Variants in U2SURP observed in about 807,000 individuals in gnomAD.
The protein encoded by U2SURP is U2 snRNP-associated SURP motif-containing protein.
Under a neutral mutation model 144.9 loss-of-function variants are expected in U2SURP, and 9 were observed. The ratio of observed to expected loss-of-function variants is 0.06; its 90% CI spans 0.04 to 0.11. The LOEUF (loss-of-function observed/expected upper bound fraction) is 0.11. Among genes scored for constraint, U2SURP ranks in the 10% least tolerant of loss-of-function variants. U2SURP has a pLI of 1.00. For missense variants in U2SURP, 724 were observed against 1,226.7 expected (o/e 0.59, Z 6.12); for synonymous variants, 408 against 396.8 (o/e 1.03, Z -0.33).
At chr3:143,013,952 A>G (rs1203773933) in intron 3 of U2SURP, among the ~76,000 whole-genome samples, 1 of 151,976 alleles carries the variant, frequency 6.6e-6, no homozygotes, top group Admixed American at 6.6e-5. Context: ...TTATTTGAGG[A>G]TCTGTTTTCT....
intron 21 of U2SURP, among the ~76,000 whole-genome samples, chr3:143,037,895 C>G (rs1288316986): frequency 6.6e-6 from 1 of 152,052 alleles, no homozygotes; most frequent in East Asian, 1.9e-4. Flanking sequence ...TATTACTAAC[C>G]TGTATTTTCT....
At chr3:143,029,505 A>T (rs1461012461) in intron 16 of U2SURP, among the ~76,000 whole-genome samples, 2 of 152,228 alleles carry the variant, frequency 1.3e-5, no homozygotes, top group African/African-American at 2.4e-5. Context: ...TCATATAAGA[A>T]GATGAACTTA....
rs918792926 is a variant in U2SURP, at chr3:143,058,445, G to A, written c.*1995G>A. 1.3e-5 allele frequency: 2 copies of A among 151,766 alleles called. No individual in the cohort carries two copies. Among genetic ancestry groups the A allele is most frequent in the African/African-American group, 2.4e-5 (1 of 41,384 alleles). The allele number at this position is 151,766 out of a possible 1,614,324, so 9.4% of individuals were successfully genotyped here. ...TCTTTTTTTCTGGATCCAGATACAA[G>A]TGTCATGGTTTATCTTACAGTGGGT... On this transcript the variant is annotated 3_prime_UTR_variant, in exon 28 of 28. Coordinates refer to ENST00000473835, the MANE Select transcript of U2SURP (RefSeq NM_001080415.2).
chr3:143,010,769 G>C (rs764165665), intron 1 of U2SURP, 46 bp from the exon 2 acceptor site: 1 of 1,473,328 alleles, frequency 6.8e-7, no homozygotes, highest in Non-Finnish European at 9.4e-7. Flanking sequence ...TGTTTTGTTA[G>C]TATAAGACAT....
chr3:143,050,788 A>G, intron 24 of U2SURP, 151 bp from the exon 25 acceptor site: 1 of 526,302 alleles, frequency 1.9e-6, no homozygotes. Context: ...ATTTTTGCCT[A>G]GTTGGACTTG....
intron 1 of U2SURP, among the ~76,000 whole-genome samples, chr3:143,004,070 G>C (rs1022548552): frequency 6.6e-6 from 1 of 152,096 alleles, no homozygotes; most frequent in African/African-American, 2.4e-5. Context: ...ACAGTATTTA[G>C]AATTTCTAGC....
At chr3:143,047,208 C>T (rs369794068) in intron 24 of U2SURP, among the ~76,000 whole-genome samples, 11,413 of 26,844 alleles carry the variant, frequency 0.43, 4,242 homozygotes, top group African/African-American at 0.62. Context: ...ACGGGGCGGC[C>T]GGCCAGGCGG....
intron 24 of U2SURP, among the ~76,000 whole-genome samples, chr3:143,044,311 C>T (rs138030115): frequency 0.068 from 1,277 of 18,798 alleles, 24 homozygotes; most frequent in African/African-American, 0.28. Context: ...TTTTTTGAGA[C>T]GGGGTTTCTT....
intron 25 of U2SURP, among the ~76,000 whole-genome samples, chr3:143,051,954 TAGG>T (rs1303554325): frequency 6.6e-6 from 1 of 152,152 alleles, no homozygotes; most frequent in Non-Finnish European, 1.5e-5. Flanking sequence ...GCATCTCAAT[TAGG>T]AGATCATTTT....
intron 24 of U2SURP, among the ~76,000 whole-genome samples, chr3:143,045,148 A>G (rs907144224): frequency 6.6e-6 from 1 of 152,024 alleles, no homozygotes; most frequent in African/African-American, 2.4e-5. Flanking sequence ...AGGCGGGTGG[A>G]TCACGAGGTC....
At chr3:143,039,535 A>T (rs1933986190) in intron 23 of U2SURP, among the ~76,000 whole-genome samples, 1 of 151,462 alleles carries the variant, frequency 6.6e-6, no homozygotes, top group African/African-American at 2.4e-5. Flanking sequence ...TTCTCCTGCA[A>T]GTCTGTATTG....
In U2SURP at chr3:143,004,575, C is replaced by CT. The variant is rs1294401963; in HGVS notation, c.45+2902_45+2903insT. ...TCTGTTGGCCTCTTGACCTTGTGACCCCCCCCCCCCGCCTCGGCCTCCCAA... is the reference window on the plus strand; with the variant it reads ...TCTGTTGGCCTCTTGACCTTGTGACCTCCCCCCCCCCGCCTCGGCCTCCCAA... On this transcript the variant is annotated intron_variant, in intron 1 of 27. Coordinates refer to ENST00000473835, the MANE Select transcript of U2SURP (RefSeq NM_001080415.2). Among the ~76,000 whole-genome samples, 43 of 71,334 alleles carry CT rather than the reference C, an allele frequency of 6.0e-4. 3 individuals are homozygous for CT. The East Asian group carries it at 0.016, about 26-fold the overall frequency. 46.8% of individuals were successfully genotyped at this position (71,334 alleles called of 152,430 possible).
intron 6 of U2SURP, among the ~76,000 whole-genome samples, chr3:143,018,513 ATG>A (rs1220822241): frequency 6.6e-6 from 1 of 151,776 alleles, no homozygotes; most frequent in East Asian, 1.9e-4. Context: ...GTAAACATTC[ATG>A]TGTGGGCTTT....
intron 19 of U2SURP, among the ~76,000 whole-genome samples, 156 bp downstream of exon 19, chr3:143,035,131 T>G (rs1560194089): frequency 1.3e-5 from 2 of 152,206 alleles, no homozygotes; most frequent in African/African-American, 2.4e-5. Context: ...CGTTTTTGTT[T>G]TTATCAAATC....
Position 143,020,688 on chromosome 3 carries a change from G to A in U2SURP, c.728G>A (p.Arg243His), listed in dbSNP as rs1195959930. The A allele has an allele frequency of 1.2e-6, 2 of 1,611,004 alleles. No homozygotes were observed. The highest frequency in any genetic ancestry group is 1.7e-5 in the Admixed American group (1 of 59,802). ...PPQSDSDGQR[R>H]SMDAPSRRNR... ...CAGTCAGATTCTGATGGTCAGCGTC[G>A]TTCTAGTAAGTGGCATTTATTTTAA... The change falls in exon 8 of 28, where the codon CGT (arginine) becomes CAT (histidine). Residue 243 changes from arginine to histidine, a missense_variant. Physicochemically the swap from Arg to His is conservative, Grantham distance 29. Around this residue, in one of 13 missense-constraint regions of U2SURP, gnomAD observed 115 missense variants for 258.1 expected, o/e 0.45. Transcript: ENST00000473835.
At chr3:143,041,239 A>G (rs1445381885) in intron 23 of U2SURP, among the ~76,000 whole-genome samples, 1 of 151,934 alleles carries the variant, frequency 6.6e-6, no homozygotes, top group Non-Finnish European at 1.5e-5. Flanking sequence ...ATACACTTCA[A>G]TCTAAAAGCA....
Position 143,056,487 on chromosome 3 carries a change from C to T in U2SURP, c.*37C>T, listed in dbSNP as rs376933947. The T allele has an allele frequency of 1.0e-4, 163 of 1,604,232 alleles. No homozygotes were observed. Among genetic ancestry groups the T allele is most frequent in the Non-Finnish European group, 1.3e-4 (157 of 1,175,658 alleles). On this transcript the variant is annotated 3_prime_UTR_variant, in exon 28 of 28. Coordinates refer to ENST00000473835, the MANE Select transcript of U2SURP (RefSeq NM_001080415.2). ...AAGATGCTGTCACTTATTGGAAATG[C>T]GATTTGTTTTGTGCCTGAACGGTCT...
chr3:143,049,352 G>T (rs996738509), intron 24 of U2SURP, among the ~76,000 whole-genome samples: 32 of 80,694 alleles, frequency 4.0e-4, no homozygotes, highest in African/African-American at 1.8e-3. Flanking sequence ...AATAAAGGGG[G>T]GTAACAAGCA....
At position 143,021,537 on chromosome 3, in the gene U2SURP, T is replaced by G. The variant is rs1317482530; in HGVS notation, c.834T>G (p.Leu278=). 6.2e-7 allele frequency: 1 copy of G among 1,613,372 alleles called. No individual in the cohort carries two copies. The highest frequency in any genetic ancestry group is 1.1e-5 in the South Asian group (1 of 90,984). ...ATCCAAGCACTACTAATTTATACCT[T>G]GGAAACATTAATCCACAGGTAATAT... ...VGDPSTTNLY[L]GNINPQMNEE... The change falls in exon 10 of 28, where the codon CTT becomes CTG. Residue 278 remains leucine, a synonymous_variant. Coordinates refer to ENST00000473835, the MANE Select transcript of U2SURP (RefSeq NM_001080415.2).
Sources: allele counts gnomAD v4.1 joint callset (sites outside exome capture counted in the v4.1 genomes callset), GRCh38; gene constraint gnomAD v4.1.1; regional missense constraint gnomAD v4.1.1; transcripts MANE v1.5; gene names NCBI Gene and HGNC (gene_info 2026-07-23, HGNC 2026-07-21).